Variants in NAV2 observed in about 807,000 individuals in gnomAD.
NAV2 encodes the protein neuron navigator 2, also known as helicase, APC down-regulated 1.
In NAV2, 54 loss-of-function variants were observed where a neutral mutation model predicts 223.2. The ratio of observed to expected loss-of-function variants is 0.24; its 90% confidence interval spans 0.19 to 0.30. NAV2 has a LOEUF of 0.30. Among genes scored for constraint, NAV2 ranks in the 10% least tolerant of loss-of-function variants. The pLI, the probability that NAV2 is intolerant of heterozygous loss-of-function variation, is 1.00. For missense variants in NAV2, 2,806 were observed against 3,147.5 expected (o/e 0.89, Z 2.60); for synonymous variants, 1,279 against 1,239.3 (o/e 1.03, Z -0.67).
rs2056338720 is a variant in NAV2 at position 19,777,411 on chromosome 11, T to A, written c.268-55073T>A. Reference sequence around the variant, plus strand: ...GCGCGGGCAGGTGCTTCGGCTTTTTTTTTTTTTCCCCTCCTCCTTTTTCCT... The same window carrying A: ...GCGCGGGCAGGTGCTTCGGCTTTTTATTTTTTTCCCCTCCTCCTTTTTCCT... On this transcript the variant is annotated intron_variant, in intron 1 of 37. Coordinates refer to ENST00000349880, the MANE Select transcript of NAV2 (RefSeq NM_145117.5). 3 of 443,586 alleles carry A rather than the reference T, an allele frequency of 6.8e-6. 1 individual carries two copies. The highest frequency in any genetic ancestry group is 4.5e-6 in the Non-Finnish European group (1 of 222,910). 27.5% of individuals were successfully genotyped at this position (443,586 alleles called of 1,614,324 possible).
intron 1 of NAV2, among the ~76,000 whole-genome samples, chr11:19,544,605 G>T (rs540515721): frequency 3.3e-5 from 5 of 152,306 alleles, no homozygotes; most frequent in Admixed American, 6.5e-5. Context: ...GTGGGGTACA[G>T]AATTCATCCT....
At chr11:19,850,052 G>A (rs773374390) in intron 3 of NAV2, among the ~76,000 whole-genome samples, 1 of 152,108 alleles carries the variant, frequency 6.6e-6, no homozygotes, top group African/African-American at 2.4e-5. Context: ...ACACCCCAGC[G>A]AGACCAGATA....
At chr11:19,676,643 T>C (rs1278057731) in intron 1 of NAV2, among the ~76,000 whole-genome samples, 1 of 152,182 alleles carries the variant, frequency 6.6e-6, no homozygotes, top group African/African-American at 2.4e-5. Context: ...GTGGACGTCA[T>C]GCACTCTATG....
Position 20,118,336 on chromosome 11 carries a change from C to T in NAV2, c.*78C>T, listed in dbSNP as rs2063303374. On this transcript the variant is annotated 3_prime_UTR_variant, in exon 38 of 38. Coordinates refer to ENST00000349880, the MANE Select transcript of NAV2 (RefSeq NM_145117.5). ...ATCCCCCACATCACCCTGAAGATGA[C>T]TTCCTGAGCCAGCCCCCAGCCACAG... The T allele has an allele frequency of 3.9e-6, 6 of 1,521,446 alleles. No homozygotes were observed. Among genetic ancestry groups the T allele is most frequent in the South Asian group, 2.3e-5 (2 of 85,382 alleles). The allele number at this position is 1,521,446 out of a possible 1,614,324, so 94.2% of individuals were successfully genotyped here.
At chr11:19,698,403 A>G (rs1345987645) in intron 1 of NAV2, among the ~76,000 whole-genome samples, 1 of 152,252 alleles carries the variant, frequency 6.6e-6, no homozygotes, top group African/African-American at 2.4e-5. Context: ...GTGGGCCCAG[A>G]GAGCCCTGGT....
At chr11:19,545,279 G>A (rs1282068747) in intron 1 of NAV2, among the ~76,000 whole-genome samples, 1 of 152,222 alleles carries the variant, frequency 6.6e-6, no homozygotes, top group Admixed American at 6.5e-5. Flanking sequence ...TGCCTCCAGG[G>A]GAGCTTGGTT....
At chr11:19,906,277 G>A (rs1283545782) in intron 6 of NAV2, among the ~76,000 whole-genome samples, 1 of 152,192 alleles carries the variant, frequency 6.6e-6, no homozygotes, top group African/African-American at 2.4e-5. Context: ...TGAGGCCTAA[G>A]CTCTGAAAGA....
intron 1 of NAV2, among the ~76,000 whole-genome samples, chr11:19,442,381 T>C (rs980316155): frequency 2.8e-4 from 42 of 152,216 alleles, no homozygotes; most frequent in Non-Finnish European, 2.9e-5. Flanking sequence ...GCTGAGTTCT[T>C]GTGATAAGGC....
intron 6 of NAV2, among the ~76,000 whole-genome samples, chr11:19,905,191 T>G (rs577432991): frequency 2.2e-4 from 33 of 152,352 alleles, no homozygotes; most frequent in Non-Finnish European, 3.8e-4. Context: ...TTTTACTCCA[T>G]TCACATTCTT....
At chr11:19,530,541 C>T (rs77979557) in intron 1 of NAV2, among the ~76,000 whole-genome samples, 3,639 of 152,264 alleles carry the variant, frequency 0.024, 149 homozygotes, top group African/African-American at 0.082. Flanking sequence ...CCAGGGTCAC[C>T]CTGCTGATGG....
intron 1 of NAV2, among the ~76,000 whole-genome samples, chr11:19,520,933 C>G (rs1250811384): frequency 6.6e-6 from 1 of 152,184 alleles, no homozygotes; most frequent in Non-Finnish European, 1.5e-5. Flanking sequence ...GATTTTACAG[C>G]TCCCCTGGCC....
chr11:19,501,814 C>T (rs541305802), intron 1 of NAV2, among the ~76,000 whole-genome samples: 7 of 152,082 alleles, frequency 4.6e-5, no homozygotes, highest in South Asian at 4.2e-4. Context: ...AATGAGCCGG[C>T]GTCTCTTCTT....
chr11:19,388,583 G>A (rs1849130197), intron 1 of NAV2, among the ~76,000 whole-genome samples: 1 of 152,214 alleles, frequency 6.6e-6, no homozygotes, highest in South Asian at 2.1e-4. Context: ...TTGGCTGGGA[G>A]GAAGTCTGAG....
chr11:19,712,122 A>AG (rs1337433302), upstream of NAV2: 3 of 152,150 alleles, frequency 2.0e-5, no homozygotes, highest in Non-Finnish European at 4.4e-5. Flanking sequence ...GCGGACAGGG[A>AG]GGGGCTCCAT....
chr11:19,922,686 G>A (rs987047979), intron 6 of NAV2, among the ~76,000 whole-genome samples: 2 of 152,188 alleles, frequency 1.3e-5, no homozygotes, highest in Admixed American at 6.5e-5. Flanking sequence ...CCTTGGAGAA[G>A]TCATTACCTG....
Position 19,524,893 on chromosome 11 carries a change from C to T in NAV2, c.75+173866C>T, listed in dbSNP as rs114965493. Among the ~76,000 whole-genome samples, 373 of 152,248 alleles carry T rather than the reference C, an allele frequency of 2.4e-3. 1 individual carries two copies. The highest frequency in any genetic ancestry group is 8.8e-3 in the African/African-American group (366 of 41,530). ...AGGCCCTTTGACTTCAGCTAACAGA[C>T]ACAGCTTCGTGTTTAGAGTGGCATA... On this transcript the variant is annotated intron_variant, in intron 1 of 37. Transcript: ENST00000360655.
chr11:19,870,417 C>A (rs1254852195), intron 4 of NAV2, among the ~76,000 whole-genome samples: 1 of 152,112 alleles, frequency 6.6e-6, no homozygotes, highest in Non-Finnish European at 1.5e-5. Flanking sequence ...TGTCCCCCAG[C>A]AGAGCACCAG....
chr11:19,448,334 G>C (rs1271749922), intron 1 of NAV2, among the ~76,000 whole-genome samples: 1 of 152,200 alleles, frequency 6.6e-6, no homozygotes, highest in Admixed American at 6.5e-5. Flanking sequence ...TATTCTGCCT[G>C]TGGCTGTTAC....
intron 1 of NAV2, among the ~76,000 whole-genome samples, chr11:19,419,161 T>C (rs2133472591): frequency 6.6e-6 from 1 of 152,316 alleles, no homozygotes; most frequent in East Asian, 1.9e-4. Flanking sequence ...CTTTCTTTCA[T>C]GGCCCCTGCC....
Sources: allele counts gnomAD v4.1 joint callset (sites outside exome capture counted in the v4.1 genomes callset), GRCh38; gene constraint gnomAD v4.1.1; transcripts MANE v1.5; gene names NCBI Gene and HGNC (gene_info 2026-07-23, HGNC 2026-07-21).